TNIK: variants seen among roughly 807,000 people sequenced by gnomAD.
TNIK encodes TRAF2 and NCK interacting kinase, also known as TRAF2 and NCK-interacting protein kinase.
A neutral mutation model predicts 191.3 loss-of-function variants in TNIK; 49 were observed. The ratio of observed to expected loss-of-function variants is 0.26; its 90% confidence interval spans 0.20 to 0.32. The LOEUF is 0.32. Ranked by LOEUF, TNIK falls within the 10% of genes least tolerant of loss-of-function variation. The pLI is 1.00. For synonymous variants in TNIK, 594 were observed against 600.9 expected (o/e 0.99, Z 0.17); for missense variants, 1,155 against 1,702.3 (o/e 0.68, Z 5.66).
chr3:171,444,231 G>C (rs1464612727), intron 1 of TNIK, among the ~76,000 whole-genome samples: 5 of 152,176 alleles, frequency 3.3e-5, no homozygotes, highest in African/African-American at 1.2e-4. Flanking sequence ...GGACACTTTT[G>C]TGGCTAGGTA....
rs1054520567 is a variant in TNIK at position 171,159,837 on chromosome 3, T to TAAC, written c.1016+1430_1016+1432dup. ...AACAGGACTTGGACTTAAAGTATAATAACAACAACAACAGGACTTGGAACA... is the reference window on the plus strand; with the variant it reads ...AACAGGACTTGGACTTAAAGTATAATAACAACAACAACAACAGGACTTGGAACA... On this transcript the variant is annotated intron_variant, in intron 11 of 32. Transcript: ENST00000436636. This position sits in a 1 kb window ranked among gnomAD's most constrained non-coding sequence, Gnocchi z 4.1. 6.6e-6 allele frequency among the ~76,000 whole-genome samples: 1 copy of TAAC among 152,198 alleles called. No homozygotes were observed. Among genetic ancestry groups the TAAC allele is most frequent in the African/African-American group, 2.4e-5 (1 of 41,446 alleles).
chr3:171,103,854 T>TTCTAAAAA (rs1399665193), intron 21 of TNIK, among the ~76,000 whole-genome samples: 1 of 152,106 alleles, frequency 6.6e-6, no homozygotes, highest in Non-Finnish European at 1.5e-5. Context: ...ACAAAAGAAA[T>TTCTAAAAA]TCTAAAAAAT....
chr3:171,246,865 C>G (rs187886044), intron 2 of TNIK, among the ~76,000 whole-genome samples: 2 of 152,236 alleles, frequency 1.3e-5, no homozygotes, highest in East Asian at 3.9e-4. Flanking sequence ...CACAGAGCAA[C>G]CAACTCAGAC....
chr3:171,213,764 T>C (rs1356979116), intron 3 of TNIK, among the ~76,000 whole-genome samples: 3 of 151,908 alleles, frequency 2.0e-5, no homozygotes, highest in African/African-American at 7.3e-5. Flanking sequence ...GCAGATGGGG[T>C]GCATGTTGAG....
At chr3:171,447,793 T>G (rs189298474) in intron 1 of TNIK, among the ~76,000 whole-genome samples, 1 of 152,242 alleles carries the variant, frequency 6.6e-6, no homozygotes, top group Non-Finnish European at 1.5e-5. Context: ...TATATAAGGA[T>G]GTTTATTGAA....
At chr3:171,316,186 C>G (rs1449303676) in intron 2 of TNIK, among the ~76,000 whole-genome samples, 1 of 152,148 alleles carries the variant, frequency 6.6e-6, no homozygotes, top group African/African-American at 2.4e-5. Flanking sequence ...CATCCATTTT[C>G]TGCTTCCCAT....
intron 2 of TNIK, among the ~76,000 whole-genome samples, chr3:171,241,639 G>A (rs991597782): frequency 2.0e-5 from 3 of 152,164 alleles, no homozygotes; most frequent in African/African-American, 7.2e-5. Flanking sequence ...GCAATATAAA[G>A]TATAGAAGCA....
At chr3:171,447,096 C>A (rs1047195249) in intron 1 of TNIK, among the ~76,000 whole-genome samples, 10 of 152,066 alleles carry the variant, frequency 6.6e-5, no homozygotes, top group African/African-American at 2.4e-4. Context: ...GAGGCTGAGG[C>A]GGGAGAATCG....
intron 1 of TNIK, among the ~76,000 whole-genome samples, chr3:171,398,270 T>A (rs542973156): frequency 1.9e-3 from 291 of 152,286 alleles, no homozygotes; most frequent in Non-Finnish European, 3.6e-3. Flanking sequence ...CACTGTGTAG[T>A]TCCAACATTG....
chr3:171,424,929 T>C lies in TNIK; in HGVS notation c.57+35078A>G, dbSNP rs528856046. ...AGCACACCAACATGGCACATGTATA[T>C]ATATGTAACAAACCTGCACGTTGTG... On this transcript the variant is annotated intron_variant, in intron 1 of 32. Transcript: ENST00000436636. Among the ~76,000 whole-genome samples, 348 of 151,332 alleles carry C rather than the reference T, an allele frequency of 2.3e-3. 1 individual carries two copies. The highest frequency in any genetic ancestry group is 3.8e-3 in the Non-Finnish European group (260 of 67,870).
intron 2 of TNIK, among the ~76,000 whole-genome samples, chr3:171,347,613 G>A (rs988382436): frequency 3.3e-5 from 5 of 152,084 alleles, no homozygotes; most frequent in African/African-American, 4.8e-5. Flanking sequence ...TGAATTTAGC[G>A]TACAATACCC....
chr3:171,075,619 T>C (rs1384896636), intron 28 of TNIK, among the ~76,000 whole-genome samples: 1 of 152,150 alleles, frequency 6.6e-6, no homozygotes, highest in South Asian at 2.1e-4. Flanking sequence ...AAAAAACAAA[T>C]ACTTCTTAAC....
chr3:171,160,081 C>T (rs1457676517), intron 11 of TNIK, among the ~76,000 whole-genome samples: 1 of 152,200 alleles, frequency 6.6e-6, no homozygotes, highest in East Asian at 1.9e-4. Flanking sequence ...GCGTTTGGTC[C>T]TCTGCCTTTC....
intron 4 of TNIK, among the ~76,000 whole-genome samples, chr3:171,205,539 C>G (rs1006661501): frequency 1.3e-5 from 2 of 152,146 alleles, no homozygotes; most frequent in Non-Finnish European, 2.9e-5. Flanking sequence ...CCATGTGGTC[C>G]AGTTTGGAAG....
intron 9 of TNIK, among the ~76,000 whole-genome samples, chr3:171,172,297 C>G (rs1455109411): frequency 2.6e-5 from 4 of 152,166 alleles, no homozygotes; most frequent in Non-Finnish European, 4.4e-5. Context: ...GATATATACA[C>G]TGAGAACAAG....
At chr3:171,207,800 G>A (rs113348674) in intron 4 of TNIK, among the ~76,000 whole-genome samples, 6 of 152,156 alleles carry the variant, frequency 3.9e-5, no homozygotes, top group Non-Finnish European at 8.8e-5. Context: ...AGGCCTCAGG[G>A]AATCTGAGCT....
chr3:171,083,833 A>T (rs964309978), intron 26 of TNIK, among the ~76,000 whole-genome samples: 1 of 152,154 alleles, frequency 6.6e-6, no homozygotes, highest in Non-Finnish European at 1.5e-5. Context: ...CCTCTGATTG[A>T]TCACATTATA....
chr3:171,459,921 CCCCAG>C, intron 1 of TNIK, 81 bp downstream of exon 1: 3 of 1,150,516 alleles, frequency 2.6e-6, no homozygotes, highest in South Asian at 1.3e-5. Context: ...TGTCCCCCTG[CCCCAG>C]CCCCAGCCCC....
chr3:171,082,525 T>G (rs1398882705), intron 26 of TNIK, 131 bp from the exon 27 acceptor site: 2 of 977,664 alleles, frequency 2.0e-6, no homozygotes, highest in Non-Finnish European at 1.5e-6. Flanking sequence ...AAATATAAAC[T>G]AATGAATGTA....
Sources: gnomAD v4.1 joint callset for allele counts (sites outside exome capture counted in the v4.1 genomes callset) on GRCh38, gnomAD v4.1.1 for gene constraint, Gnocchi (gnomAD v3.1) non-coding constraint, MANE v1.5 for transcripts, NCBI Gene and HGNC (gene_info 2026-07-23, HGNC 2026-07-21) for gene names.